The following CHRNA5 variants were observed in gnomAD, a reference collection of about 807,000 sequenced individuals.
The protein encoded by CHRNA5 is neuronal acetylcholine receptor subunit alpha-5.
CHRNA5 carries 28 observed loss-of-function variants against 41.2 expected under a neutral mutation model. The ratio of observed to expected loss-of-function variants is 0.68; its 90% CI spans 0.50 to 0.93. CHRNA5 has a LOEUF of 0.93. CHRNA5 is among the 40% of genes least tolerant of loss of function. The pLI, the probability that CHRNA5 is intolerant of heterozygous loss-of-function variation, is 0.00. For missense variants in CHRNA5, 481 were observed against 581.9 expected, an observed-to-expected ratio of 0.83 and a Z score of 1.78; for synonymous variants, 188 against 205.8, an observed-to-expected ratio of 0.91 and a Z score of 0.74.
chr15:78,595,081 G>T, exon 6 of CHRNA5: 1 of 154,378 alleles, frequency 6.5e-6, no homozygotes, highest in Non-Finnish European at 1.4e-5. Context: ...TCTTTGGAAG[G>T]CGGAGGAGAC....
At chr15:78,576,017 G>A (rs1567054329) in intron 1 of CHRNA5, among the ~76,000 whole-genome samples, 1 of 152,106 alleles carries the variant, frequency 6.6e-6, no homozygotes, top group South Asian at 2.1e-4. Flanking sequence ...ATTTATAATA[G>A]TTCTTTATAG....
Position 78,590,449 on chromosome 15 carries a change from G to A in CHRNA5, c.1058G>A (p.Arg353His), listed in dbSNP as rs201385812. The A allele has an allele frequency of 1.2e-5, 19 of 1,613,998 alleles. No homozygotes were observed. Among genetic ancestry groups the A allele is most frequent in the East Asian group, 4.5e-5 (2 of 44,884 alleles). Residue 353 changes from arginine (R) to histidine (H), a missense_variant, in exon 5 of 6, where the codon CGC becomes CAC. Transcript: ENST00000299565. ...CATAATGCCATGGCGCCTTTGGTCC[G>A]CAAGATATTTCTTCACACGCTTCCC...
chr15:78,587,208 T>C (rs1013647071), intron 3 of CHRNA5, among the ~76,000 whole-genome samples: 5 of 152,200 alleles, frequency 3.3e-5, no homozygotes, highest in Non-Finnish European at 1.5e-5. Flanking sequence ...CCACATCACC[T>C]GCCCTCATGG....
At chr15:78,577,191 C>T (rs1291782278) in intron 1 of CHRNA5, among the ~76,000 whole-genome samples, 2 of 152,064 alleles carry the variant, frequency 1.3e-5, no homozygotes, top group African/African-American at 4.8e-5. Flanking sequence ...GCCAAGGTGC[C>T]CCTCAGAGCC....
chr15:78,566,928 G>A (rs999555909), intron 1 of CHRNA5, among the ~76,000 whole-genome samples: 1 of 152,188 alleles, frequency 6.6e-6, no homozygotes, highest in African/African-American at 2.4e-5. Flanking sequence ...CATCCTGACT[G>A]GACGAACTTC....
rs979485573 is a variant in CHRNA5, at chr15:78,573,963, A to ATTTT, written c.107-6828_107-6825dup. 3.8e-4 allele frequency among the ~76,000 whole-genome samples: 39 copies of ATTTT among 102,072 alleles called. 1 individual carries two copies. Among genetic ancestry groups the ATTTT allele is most frequent in the Non-Finnish European group, 5.5e-4 (28 of 50,644 alleles). The allele number at this position is 102,072 out of a possible 152,430, so 67.0% of individuals were successfully genotyped here. A position where few individuals can be genotyped will look rare whatever the true frequency, so the allele number is the denominator to read the frequency against. ...AGGCGTGCACCACCACGCCTGGCTA[A>ATTTT]TTTTTTTTTTTTTTTTTTTTTTTGT... On this transcript the variant is annotated intron_variant, in intron 1 of 5. Coordinates refer to ENST00000299565, the Ensembl canonical transcript of CHRNA5.
At chr15:78,571,682 C>G (rs56219480) in intron 1 of CHRNA5, among the ~76,000 whole-genome samples, 2 of 150,008 alleles carry the variant, frequency 1.3e-5, no homozygotes, top group African/African-American at 4.9e-5. Context: ...TTTCTTACTG[C>G]GAGTGTTCTG....
At chr15:78,567,235 A>G (rs2052758800) in intron 1 of CHRNA5, among the ~76,000 whole-genome samples, 1 of 150,306 alleles carries the variant, frequency 6.7e-6, no homozygotes, top group Non-Finnish European at 1.5e-5. Context: ...CCTGGGCAAC[A>G]CAGCGAGACT....
chr15:78,570,311 T>A (rs2052790142), intron 1 of CHRNA5, among the ~76,000 whole-genome samples: 1 of 151,626 alleles, frequency 6.6e-6, no homozygotes, highest in Non-Finnish European at 1.5e-5. Flanking sequence ...TAGGCTGGAG[T>A]GCAGTGGCGT....
In CHRNA5 at chr15:78,588,816, A is replaced by C. The variant is rs1403045402; in HGVS notation, c.413+393A>C. On this transcript the variant is annotated intron_variant, in intron 4 of 5. Coordinates refer to ENST00000299565, the Ensembl canonical transcript of CHRNA5. The surrounding 1 kb of genome is among the most constrained non-coding windows in gnomAD (Gnocchi z 4.1). ...TTAAATACTGTATCGTCATTTTCCC[A>C]CAATGAGGAATGCTGGGTTAATTAT... is the stretch of plus-strand genomic sequence containing the variant. Among the ~76,000 whole-genome samples, 1 of 151,742 alleles carries C rather than the reference A, an allele frequency of 6.6e-6. No individual in the cohort carries two copies. The highest frequency in any genetic ancestry group is 2.4e-5 in the African/African-American group (1 of 41,312).
intron 1 of CHRNA5, among the ~76,000 whole-genome samples, chr15:78,573,531 C>G (rs549526346): frequency 1.3e-5 from 2 of 152,278 alleles, no homozygotes; most frequent in East Asian, 3.9e-4. Flanking sequence ...GTTGAATTAA[C>G]GAATTGAACA....
chr15:78,568,976 A>G (rs138245247), intron 1 of CHRNA5, among the ~76,000 whole-genome samples: 1 of 152,340 alleles, frequency 6.6e-6, no homozygotes, highest in East Asian at 1.9e-4. Context: ...ATTTTCATTA[A>G]CATTTTCAGA....
chr15:78,586,694 G>A lies in CHRNA5; in HGVS notation c.303+5G>A. ...ACAAACGTCTGGTTGAAACAGGTAT[G>A]TGTGTAAAATTCAAACGGGCACCCA... is the stretch of plus-strand genomic sequence containing the variant. On this transcript the variant is annotated splice_donor_5th_base_variant and intron_variant, in intron 3 of 5. Coordinates refer to ENST00000299565, the Ensembl canonical transcript of CHRNA5. 5.0e-6 allele frequency: 8 copies of A among 1,601,928 alleles called. No homozygotes were observed. The highest frequency in any genetic ancestry group is 2.2e-5 in the East Asian group (1 of 44,678).
At chr15:78,580,951 T>G (rs533238214) in exon 2 of CHRNA5, 3 of 1,613,248 alleles carry the variant, frequency 1.9e-6, no homozygotes, top group African/African-American at 1.3e-5. Context: ...AATATCTCAA[T>G]TGGTGGATGT....
chr15:78,566,991 G>A (rs1172769546), intron 1 of CHRNA5, among the ~76,000 whole-genome samples: 33 of 152,106 alleles, frequency 2.2e-4, no homozygotes, highest in Admixed American at 2.0e-3. Flanking sequence ...GGTGGCTCAC[G>A]CCTGTAATCC....
intron 1 of CHRNA5, among the ~76,000 whole-genome samples, chr15:78,580,514 G>T (rs1215882772): frequency 6.6e-6 from 1 of 152,070 alleles, no homozygotes; most frequent in African/African-American, 2.4e-5. Context: ...TGATTTAACT[G>T]AGACGTATCT....
intron 2 of CHRNA5, among the ~76,000 whole-genome samples, chr15:78,585,930 A>C (rs2052957313): frequency 6.7e-6 from 1 of 149,478 alleles, no homozygotes; most frequent in African/African-American, 2.5e-5. Context: ...GATTACATGC[A>C]TGTGCCACCA....
intron 5 of CHRNA5, 154 bp from the exon 6 acceptor site, chr15:78,592,938 T>C: frequency 1.3e-6 from 1 of 752,542 alleles, no homozygotes; most frequent in Non-Finnish European, 2.1e-6. Context: ...CAGGCTAGTG[T>C]CTGTCCCTGA....
At position 78,588,354 on chromosome 15, in the gene CHRNA5, A is replaced by G. The variant is rs376394314; in HGVS notation, c.344A>G (p.Tyr115Cys). The change falls in exon 4 of 6, where the codon TAT becomes TGT. Residue 115 changes from tyrosine (Y) to cysteine (C), a missense_variant. By Grantham distance (194) the Tyr-to-Cys change is radical. Transcript: ENST00000299565. This position sits in a 1 kb window ranked among gnomAD's most constrained non-coding sequence, Gnocchi z 4.1. ...AAATTAAGATGGAACCCTGATGACT[A>G]TGGTGGAATAAAAGTTATACGTGTT... The G allele has an allele frequency of 1.0e-5, 16 of 1,592,928 alleles. No homozygotes were observed. The South Asian group carries it at 1.3e-4, about 13-fold the overall frequency.
Sources: allele counts gnomAD v4.1 joint callset (sites outside exome capture counted in the v4.1 genomes callset), GRCh38; gene constraint gnomAD v4.1.1; non-coding constraint Gnocchi (gnomAD v3.1); transcripts MANE v1.5; gene names NCBI Gene and HGNC (gene_info 2026-07-23, HGNC 2026-07-21).